The following STAU2 variants were observed in gnomAD, a reference collection of about 807,000 sequenced individuals.
STAU2 encodes double-stranded RNA-binding protein Staufen homolog 2.
In STAU2, 20 loss-of-function variants were observed where a neutral mutation model predicts 65.9. The ratio of observed to expected loss-of-function variants is 0.30; its 90% CI spans 0.21 to 0.44. The LOEUF (loss-of-function observed/expected upper bound fraction) is 0.44, where lower values mean the gene tolerates loss of function less well. STAU2 is among the 20% of genes least tolerant of loss of function. STAU2 has a pLI of 1.00. For missense variants in STAU2, 558 were observed against 683.9 expected (o/e 0.82, Z 2.05); for synonymous variants, 232 against 233.9 (o/e 0.99, Z 0.07).
chr8:73,488,689 T>TA (rs35869894), intron 13 of STAU2, among the ~76,000 whole-genome samples: 83,755 of 143,904 alleles, frequency 0.58, 24,408 homozygotes, highest in East Asian at 0.87. Context: ...AAGAAATCCT[T>TA]AAAAAAAAAA....
At chr8:73,713,645 T>C (rs572914827) in intron 3 of STAU2, among the ~76,000 whole-genome samples, 4 of 152,046 alleles carry the variant, frequency 2.6e-5, no homozygotes, top group South Asian at 4.2e-4. Flanking sequence ...TAAAACAACA[T>C]AACTTTCTGG....
intron 5 of STAU2, among the ~76,000 whole-genome samples, chr8:73,678,658 A>T (rs2130448462): frequency 6.6e-6 from 1 of 152,360 alleles, no homozygotes; most frequent in Admixed American, 6.5e-5. Context: ...ATATGTAAAA[A>T]GCAAGTGTTA....
chr8:73,728,850 G>A lies in STAU2; in HGVS notation c.-18+9434C>T, dbSNP rs1342176887. Among the ~76,000 whole-genome samples, 47 of 152,072 alleles carry A rather than the reference G, an allele frequency of 3.1e-4. 1 individual carries two copies. Among genetic ancestry groups the A allele is most frequent in the Admixed American group, 3.1e-3 (47 of 15,262 alleles). On this transcript the variant is annotated intron_variant, in intron 3 of 14. Coordinates refer to ENST00000524300, the MANE Select transcript of STAU2 (RefSeq NM_001164380.2). ...ATTCTTTGGGATTTTCTATATATAG[G>A]ACCATGTCATCTGCAAACAGAGACA... is the stretch of plus-strand genomic sequence containing the variant.
chr8:73,717,648 T>TC (rs1563526625), intron 3 of STAU2, among the ~76,000 whole-genome samples: 1 of 152,030 alleles, frequency 6.6e-6, no homozygotes, highest in Non-Finnish European at 1.5e-5. Flanking sequence ...TTGTTGTTGT[T>TC]GTTGTTGTTG....
chr8:73,624,123 C>T (rs1007012528), intron 6 of STAU2, among the ~76,000 whole-genome samples: 7 of 151,596 alleles, frequency 4.6e-5, no homozygotes, highest in South Asian at 2.1e-4. Context: ...AAAAATAATA[C>T]GGTACACTAG....
chr8:73,603,463 G>A (rs2129714477), intron 10 of STAU2, among the ~76,000 whole-genome samples: 1 of 152,300 alleles, frequency 6.6e-6, no homozygotes, highest in South Asian at 2.1e-4. Flanking sequence ...AAAGTTAAAA[G>A]ATAGGCATTA....
intron 10 of STAU2, among the ~76,000 whole-genome samples, chr8:73,600,022 C>A (rs1226178168): frequency 6.6e-6 from 1 of 152,188 alleles, no homozygotes; most frequent in Non-Finnish European, 1.5e-5. Context: ...CCTGCCTCGG[C>A]CTCCCAAAGT....
At chr8:73,615,123 G>T (rs1213234268) in intron 8 of STAU2, among the ~76,000 whole-genome samples, 3 of 151,920 alleles carry the variant, frequency 2.0e-5, no homozygotes, top group African/African-American at 7.3e-5. Context: ...CTTAATAAAA[G>T]AAGTATTATA....
At chr8:73,509,257 C>T (rs58397136) in intron 13 of STAU2, among the ~76,000 whole-genome samples, 20,095 of 152,088 alleles carry the variant, frequency 0.13, 1,819 homozygotes, top group East Asian at 0.49. Flanking sequence ...TGACATTCAG[C>T]ATCTTCTCAG....
At chr8:73,431,029 A>G (rs1322564210) in intron 13 of STAU2, among the ~76,000 whole-genome samples, 1 of 152,196 alleles carries the variant, frequency 6.6e-6, no homozygotes, top group African/African-American at 2.4e-5. Flanking sequence ...CTGTGTAGTA[A>G]GTGTAAACTA....
At chr8:73,694,143 G>A (rs1198050197) in intron 4 of STAU2, among the ~76,000 whole-genome samples, 1 of 152,054 alleles carries the variant, frequency 6.6e-6, no homozygotes, top group Non-Finnish European at 1.5e-5. Context: ...CAATTAAGAA[G>A]ACATTGATAT....
intron 12 of STAU2, among the ~76,000 whole-genome samples, chr8:73,559,147 T>C (rs963843883): frequency 6.6e-6 from 1 of 152,232 alleles, no homozygotes; most frequent in Non-Finnish European, 1.5e-5. Flanking sequence ...TTTGAAAATG[T>C]ACTATAGTTA....
At chr8:73,609,656 T>TA (rs541920761) in intron 9 of STAU2, among the ~76,000 whole-genome samples, 9 of 150,876 alleles carry the variant, frequency 6.0e-5, no homozygotes, top group African/African-American at 1.2e-4. Context: ...CTGTCTCAAT[T>TA]AAAAAAAAAT....
chr8:73,439,347 T>C, intron 13 of STAU2: 1 of 287,392 alleles, frequency 3.5e-6, no homozygotes, highest in South Asian at 3.3e-5. Context: ...CTGGGCATGG[T>C]GGCTCATGCC....
At chr8:73,585,307 C>G (rs761603048) in intron 11 of STAU2, among the ~76,000 whole-genome samples, 7 of 152,128 alleles carry the variant, frequency 4.6e-5, no homozygotes, top group African/African-American at 2.4e-5. Flanking sequence ...ATGGAGAAAC[C>G]CCGTCTCTAC....
At chr8:73,468,615 A>G (rs1819796811) in intron 13 of STAU2, among the ~76,000 whole-genome samples, 1 of 152,244 alleles carries the variant, frequency 6.6e-6, no homozygotes, top group African/African-American at 2.4e-5. Flanking sequence ...ACAAGAAAAA[A>G]CAAATAACCC....
chr8:73,454,155 A>G (rs1188762140), intron 13 of STAU2, among the ~76,000 whole-genome samples: 1 of 152,238 alleles, frequency 6.6e-6, no homozygotes, highest in Non-Finnish European at 1.5e-5. Flanking sequence ...AAGCTGTAAA[A>G]AAGGAATTCC....
chr8:73,494,547 C>T (rs1228810411), intron 13 of STAU2, among the ~76,000 whole-genome samples: 1 of 151,540 alleles, frequency 6.6e-6, no homozygotes, highest in African/African-American at 2.4e-5. Flanking sequence ...TTAACTTCTC[C>T]TAAAACATAG....
At chr8:73,512,568 C>G (rs970250298) in intron 13 of STAU2, among the ~76,000 whole-genome samples, 1 of 151,880 alleles carries the variant, frequency 6.6e-6, no homozygotes, top group Non-Finnish European at 1.5e-5. Context: ...TATAGAAATA[C>G]AACAAATTTT....
Sources: gnomAD v4.1 joint callset for allele counts (sites outside exome capture counted in the v4.1 genomes callset) on GRCh38, gnomAD v4.1.1 for gene constraint, MANE v1.5 for transcripts, NCBI Gene and HGNC (gene_info 2026-07-23, HGNC 2026-07-21) for gene names.